Variants in ANKS1A observed in about 807,000 individuals in gnomAD.
ANKS1A encodes the protein ankyrin repeat and SAM domain-containing protein 1A.
A neutral mutation model predicts 120.3 loss-of-function variants in ANKS1A; 55 were observed. The ratio of observed to expected loss-of-function variants is 0.46; its 90% confidence interval spans 0.37 to 0.57. The LOEUF (loss-of-function observed/expected upper bound fraction) is 0.57, where lower values mean the gene tolerates loss of function less well. Among genes scored for constraint, ANKS1A ranks in the 20% least tolerant of loss-of-function variants. The pLI is 0.00. For missense variants in ANKS1A, 1,123 were observed against 1,480.3 expected (o/e 0.76, Z 3.96); for synonymous variants, 590 against 604.7 (o/e 0.98, Z 0.36).
chr6:35,077,550 G>T (rs756297688), intron 13 of ANKS1A, among the ~76,000 whole-genome samples: 5 of 152,186 alleles, frequency 3.3e-5, no homozygotes, highest in Non-Finnish European at 7.4e-5. Flanking sequence ...CAACTGCGAG[G>T]GCCTCCATGG....
chr6:35,035,420 A>G (rs112930032), intron 11 of ANKS1A, among the ~76,000 whole-genome samples: 42 of 152,322 alleles, frequency 2.8e-4, no homozygotes, highest in African/African-American at 9.6e-4. Flanking sequence ...ATACACTTCT[A>G]TTTATATCTT....
intron 9 of ANKS1A, among the ~76,000 whole-genome samples, chr6:34,991,971 C>T (rs2127536702): frequency 6.6e-6 from 1 of 151,858 alleles, no homozygotes; most frequent in Middle Eastern, 3.5e-3. Context: ...TAGGAAGGCT[C>T]AAAGAAAAGC....
chr6:35,091,520 T>C (rs1035685576), downstream of ANKS1A: 2 of 737,718 alleles, frequency 2.7e-6, no homozygotes, highest in Non-Finnish European at 3.3e-6. Context: ...CTACACCGTT[T>C]GGCTGAGATG....
chr6:35,078,243 C>T (rs1299828176), intron 13 of ANKS1A, among the ~76,000 whole-genome samples: 1 of 152,206 alleles, frequency 6.6e-6, no homozygotes, highest in African/African-American at 2.4e-5. Flanking sequence ...TGCATGGAAC[C>T]TGCTCCCCAG....
chr6:34,956,190 A>T (rs1421134524), intron 1 of ANKS1A, among the ~76,000 whole-genome samples: 1 of 150,982 alleles, frequency 6.6e-6, no homozygotes, highest in Non-Finnish European at 1.5e-5. Flanking sequence ...TATTTATATT[A>T]TTATTTTTAA....
At chr6:35,052,274 C>T (rs574021965) in intron 11 of ANKS1A, among the ~76,000 whole-genome samples, 122 of 151,908 alleles carry the variant, frequency 8.0e-4, no homozygotes, top group Non-Finnish European at 1.4e-3. Context: ...ATGATGAAAC[C>T]CCGCCTTTAC....
intron 8 of ANKS1A, 109 bp from the exon 9 acceptor site, chr6:34,989,115 A>T: frequency 1.1e-6 from 1 of 872,954 alleles, no homozygotes; most frequent in Non-Finnish European, 1.8e-6. Flanking sequence ...CTCTCAGGGG[A>T]GTTCCATACA....
chr6:35,048,959 A>C (rs1417871227), intron 11 of ANKS1A, among the ~76,000 whole-genome samples: 1 of 152,236 alleles, frequency 6.6e-6, no homozygotes, highest in Non-Finnish European at 1.5e-5. Context: ...AGCAGGAAGC[A>C]GGTTCGGCTG....
At chr6:34,980,643 A>T (rs1288892049) in intron 3 of ANKS1A, among the ~76,000 whole-genome samples, 1 of 152,278 alleles carries the variant, frequency 6.6e-6, no homozygotes, top group Admixed American at 6.5e-5. Context: ...CAAAAGTAGC[A>T]GAAGCCTCCT....
rs1355827273 is a variant in ANKS1A, at chr6:35,050,776, C to T, written c.2011-3323C>T. On this transcript the variant is annotated intron_variant, in intron 11 of 23. Transcript: ENST00000360359. The surrounding 1 kb of genome is among the most constrained non-coding windows in gnomAD (Gnocchi z 4.3). ...AGGGTGGGGACCTGCCAATCTCTGC[C>T]CAAACAGGACCTCTTCGCTGCCATG... Among the ~76,000 whole-genome samples, 6 of 152,096 alleles carry T rather than the reference C, an allele frequency of 3.9e-5. No homozygotes were observed. Among genetic ancestry groups the T allele is most frequent in the Non-Finnish European group, 8.8e-5 (6 of 68,018 alleles).
At chr6:35,043,414 G>C (rs1180374267) in intron 11 of ANKS1A, among the ~76,000 whole-genome samples, 1 of 152,212 alleles carries the variant, frequency 6.6e-6, no homozygotes, top group Non-Finnish European at 1.5e-5. Context: ...AGTCACCTGG[G>C]GTGGTTTACC....
intron 17 of ANKS1A, 39 bp downstream of exon 17, chr6:35,081,197 T>C: frequency 1.3e-6 from 2 of 1,569,060 alleles, no homozygotes; most frequent in Non-Finnish European, 1.7e-6. Flanking sequence ...AGGCTCTACC[T>C]CATTCCTCTG....
chr6:35,021,679 C>T (rs891701752), intron 11 of ANKS1A, among the ~76,000 whole-genome samples: 4 of 152,066 alleles, frequency 2.6e-5, no homozygotes, highest in Admixed American at 1.3e-4. Flanking sequence ...GGAGTGTGTT[C>T]AGACCTTATG....
Position 35,014,460 on chromosome 6 carries a change from TC to T in ANKS1A, c.1424-3011del, listed in dbSNP as rs200877394. On this transcript the variant is annotated intron_variant, in intron 10 of 23. Transcript: ENST00000360359. ...TTTCCATTCTTTCCTTCTACCCACT[TC>T]CTTCCCCTTGGCATGTGTCTGGTAT... Among the ~76,000 whole-genome samples, 182 of 152,320 alleles carry T rather than the reference TC, an allele frequency of 1.2e-3. 5 individuals are homozygous for T. The East Asian group carries it at 0.033, about 28-fold the overall frequency.
chr6:34,923,217 G>A (rs1428391629), intron 1 of ANKS1A, among the ~76,000 whole-genome samples: 2 of 152,222 alleles, frequency 1.3e-5, no homozygotes, highest in Non-Finnish European at 2.9e-5. Context: ...CATTAAAGTG[G>A]GGAAAAGTGA....
At chr6:35,035,117 G>T (rs1775101177) in intron 11 of ANKS1A, among the ~76,000 whole-genome samples, 1 of 152,238 alleles carries the variant, frequency 6.6e-6, no homozygotes, top group South Asian at 2.1e-4. Context: ...TGGCTGAGCA[G>T]GCTGGCCGGA....
At chr6:35,009,449 A>T (rs563742372) in intron 10 of ANKS1A, among the ~76,000 whole-genome samples, 29 of 152,314 alleles carry the variant, frequency 1.9e-4, no homozygotes, top group African/African-American at 6.5e-4. Context: ...GATGATATTA[A>T]ATCCGGTTTC....
At chr6:34,903,243 T>G (rs1767450963) in intron 1 of ANKS1A, among the ~76,000 whole-genome samples, 1 of 151,790 alleles carries the variant, frequency 6.6e-6, no homozygotes. Context: ...CTAATATTGT[T>G]ACTTTCAAAT....
intron 10 of ANKS1A, 95 bp downstream of exon 10, chr6:34,994,517 T>G: frequency 1.3e-6 from 2 of 1,507,704 alleles, no homozygotes; most frequent in Middle Eastern, 1.8e-4. Context: ...AACTATGATA[T>G]TCCTTGGGTT....
Sources: allele counts gnomAD v4.1 joint callset (sites outside exome capture counted in the v4.1 genomes callset), GRCh38; gene constraint gnomAD v4.1.1; non-coding constraint Gnocchi (gnomAD v3.1); transcripts MANE v1.5; gene names NCBI Gene and HGNC (gene_info 2026-07-23, HGNC 2026-07-21).